The following CEBPZOS variants were observed in gnomAD, a reference collection of about 807,000 sequenced individuals.
CEBPZOS encodes the protein protein CEBPZOS.
CEBPZOS carries 10 observed loss-of-function variants against 4.8 expected under a neutral mutation model. The observed-to-expected ratio is 2.07, with a 90% confidence interval of 1.28 to 3.52. The LOEUF is 3.52. CEBPZOS is among the 30% of genes most tolerant of loss of function. CEBPZOS has a pLI of 0.00. For missense variants in CEBPZOS, 98 were observed against 43.6 expected (o/e 2.25, Z -3.51); for synonymous variants, 25 against 14.2 (o/e 1.77, Z -1.72).
At chr2:37,199,921 C>T in intron 2 of CEBPZOS, 102 bp downstream of exon 2, 1 of 636,662 alleles carries the variant, frequency 1.6e-6, no homozygotes, top group Non-Finnish European at 2.9e-6. Context: ...ATTGGTTCTT[C>T]AGATTCAAGA....
rs2148331654 is a variant in CEBPZOS, at chr2:37,202,837, C to T, written c.*977C>T. The T allele has an allele frequency of 1.2e-6, 2 of 1,601,288 alleles. No homozygotes were observed. Among genetic ancestry groups the T allele is most frequent in the East Asian group, 2.3e-5 (1 of 44,366 alleles). ...CATGCCAATGTTATCAAACTTGGATCCCATATTTTCATCCAATAGATGGCC... is the reference window on the plus strand; with the variant it reads ...CATGCCAATGTTATCAAACTTGGATTCCATATTTTCATCCAATAGATGGCC... On this transcript the variant is annotated 3_prime_UTR_variant, in exon 5 of 5. Transcript: ENST00000402297.
downstream of CEBPZOS, among the ~76,000 whole-genome samples, chr2:37,205,956 GAA>G (rs1677525065): frequency 6.6e-6 from 1 of 152,170 alleles, no homozygotes; most frequent in South Asian, 2.1e-4. Context: ...GTTGAGAAAA[GAA>G]AAAGATAACA....
At chr2:37,205,986 AG>A (rs1330454680), downstream of CEBPZOS, among the ~76,000 whole-genome samples, 1 of 152,244 alleles carries the variant, frequency 6.6e-6, no homozygotes, top group Non-Finnish European at 1.5e-5. Flanking sequence ...GAAAAATGCA[AG>A]GCTTTTATAA....
At chr2:37,198,797 A>T (rs559488242) in intron 1 of CEBPZOS, 8 of 152,324 alleles carry the variant, frequency 5.3e-5, no homozygotes, top group African/African-American at 1.7e-4. Flanking sequence ...TAGTTTTGCC[A>T]CTTAACTGGT....
intron 1 of CEBPZOS, among the ~76,000 whole-genome samples, chr2:37,197,779 T>A (rs1230059042): frequency 1.3e-5 from 2 of 152,122 alleles, no homozygotes; most frequent in African/African-American, 2.4e-5. Context: ...GGCAGGAGAA[T>A]CACTTGAACC....
At chr2:37,215,951 TAAAA>T (rs201108820), downstream of CEBPZOS, among the ~76,000 whole-genome samples, 2 of 111,516 alleles carry the variant, frequency 1.8e-5, no homozygotes, top group African/African-American at 6.6e-5. Context: ...GTAATAAAGT[TAAAA>T]AAAAAAAAAA....
chr2:37,199,114 C>T (rs1253044056), intron 1 of CEBPZOS, among the ~76,000 whole-genome samples: 1 of 152,058 alleles, frequency 6.6e-6, no homozygotes, highest in Non-Finnish European at 1.5e-5. Context: ...CTCCAAATGC[C>T]TGAACTATGG....
chr2:37,209,407 T>C (rs1677646227), downstream of CEBPZOS: 1 of 152,260 alleles, frequency 6.6e-6, no homozygotes, highest in South Asian at 2.1e-4. Flanking sequence ...TACTAGGCTA[T>C]TGTTACCAAA....
intron 2 of CEBPZOS, 31 bp from the exon 3 acceptor site, chr2:37,201,017 T>C: frequency 2.8e-6 from 2 of 714,574 alleles, no homozygotes; most frequent in Non-Finnish European, 5.2e-6. Flanking sequence ...TCTGTTCATA[T>C]CTAATTTCAA....
downstream of CEBPZOS, among the ~76,000 whole-genome samples, chr2:37,214,707 G>C (rs1036411879): frequency 6.6e-6 from 1 of 152,050 alleles, no homozygotes; most frequent in African/African-American, 2.4e-5. Context: ...ATGCTGATTA[G>C]ATTTCATAAA....
At chr2:37,214,378 C>T (rs910260481), downstream of CEBPZOS, among the ~76,000 whole-genome samples, 2 of 152,012 alleles carry the variant, frequency 1.3e-5, no homozygotes, top group Non-Finnish European at 2.9e-5. Context: ...TGGTTTAGGA[C>T]TTATTTCTAT....
At chr2:37,199,372 G>A (rs1057397814) in intron 1 of CEBPZOS, among the ~76,000 whole-genome samples, 3 of 152,174 alleles carry the variant, frequency 2.0e-5, no homozygotes, top group African/African-American at 7.2e-5. Flanking sequence ...AACTCCCAGT[G>A]CAGCTAAAAA....
intron 2 of CEBPZOS, among the ~76,000 whole-genome samples, chr2:37,200,732 AGGC>A (rs531896385): frequency 1.9e-3 from 291 of 151,328 alleles, no homozygotes; most frequent in Middle Eastern, 3.5e-3. Context: ...TTGAGGTAGG[AGGC>A]TCCCCTGAGC....
intron 4 of CEBPZOS, among the ~76,000 whole-genome samples, chr2:37,213,276 CAT>C (rs1362585503): frequency 1.3e-5 from 2 of 152,142 alleles, no homozygotes; most frequent in Admixed American, 6.5e-5. Context: ...TTCTTTTTCA[CAT>C]GAGATTTGGC....
rs145527179 is a variant in CEBPZOS at position 37,198,945 on chromosome 2, C to T, written c.-1-759C>T. Among the ~76,000 whole-genome samples, 332 of 151,850 alleles carry T rather than the reference C, an allele frequency of 2.2e-3. 1 individual carries two copies. The highest frequency in any genetic ancestry group is 0.01 in the Middle Eastern group (3 of 288). The stretch of plus-strand genomic sequence containing the variant: ...GAGGTGGGCGGATTGCTTGAGCTCA[C>T]GGGTTCGAGACCAATCTGGGCAACA... On this transcript the variant is annotated intron_variant, in intron 1 of 4. Coordinates refer to ENST00000402297, the MANE Select transcript of CEBPZOS (RefSeq NM_001322374.2).
intron 4 of CEBPZOS, chr2:37,211,364 G>A: frequency 3.7e-6 from 1 of 271,402 alleles, no homozygotes; most frequent in East Asian, 6.8e-5. Flanking sequence ...CTTCTGCTGT[G>A]GTTCAGAATA....
At position 37,202,989 on chromosome 2, in the gene CEBPZOS, TCTTTTC is replaced by T. The variant is rs777404579; in HGVS notation, c.*1130_*1135del. The stretch of plus-strand genomic sequence containing the variant: ...CAAATAGGCTGGAATCATTTAAGTT[TCTTTTC>T]TTTTTTCTTGGCCCTAAAAAAAATT... On this transcript the variant is annotated 3_prime_UTR_variant, in exon 5 of 5. Coordinates refer to ENST00000402297, the MANE Select transcript of CEBPZOS (RefSeq NM_001322374.2). The T allele has an allele frequency of 6.4e-7, 1 of 1,553,526 alleles. No individual in the cohort carries two copies. The highest frequency in any genetic ancestry group is 2.0e-5 in the Admixed American group (1 of 49,280).
At chr2:37,198,365 C>A (rs1007753556) in intron 1 of CEBPZOS, 1 of 152,084 alleles carries the variant, frequency 6.6e-6, no homozygotes, top group Non-Finnish European at 1.5e-5. Flanking sequence ...AAGTTTTAAT[C>A]TTTTGGTCCC....
In CEBPZOS at chr2:37,201,690, T is replaced by TA. The variant is rs1457198895; in HGVS notation, c.210dup (p.Asp71ArgfsTer40). The TA allele has an allele frequency of 4.5e-6, 4 of 892,152 alleles. No individual in the cohort carries two copies. The highest frequency in any genetic ancestry group is 5.5e-6 in the Non-Finnish European group (3 of 544,468). 55.3% of individuals were successfully genotyped at this position (892,152 alleles called of 1,614,324 possible). On this transcript the variant is annotated frameshift_variant, in exon 4 of 5. Transcript: ENST00000402297. LOFTEE classifies it high-confidence loss of function. Reference sequence around the variant, plus strand: ...TCTGGAATGTATGGAATCAGAGAGCTAGATCAAAAAACATGGTTGAACAGC... The same window carrying TA: ...TCTGGAATGTATGGAATCAGAGAGCTAAGATCAAAAAACATGGTTGAACAGC...
Sources: allele counts gnomAD v4.1 joint callset (sites outside exome capture counted in the v4.1 genomes callset), GRCh38; gene constraint gnomAD v4.1.1; transcripts MANE v1.5; gene names NCBI Gene and HGNC (gene_info 2026-07-23, HGNC 2026-07-21).